Variants in LYRM4 observed in about 807,000 individuals in gnomAD.
The protein encoded by LYRM4 is LYR motif containing 4.
LYRM4 carries 9 observed loss-of-function variants against 11.7 expected under a neutral mutation model. The observed-to-expected ratio is 0.77, with a 90% CI of 0.46 to 1.34. LYRM4 has a LOEUF of 1.34. Ranked by LOEUF, LYRM4 falls within the 40% of genes most tolerant of loss-of-function variation. The pLI is 0.00. For missense variants in LYRM4, 133 were observed against 112.5 expected (o/e 1.18, Z -0.82); for synonymous variants, 42 against 40.4 (o/e 1.04, Z -0.15).
chr6:5,246,149 G>C (rs569096339), intron 1 of LYRM4, among the ~76,000 whole-genome samples: 14 of 152,332 alleles, frequency 9.2e-5, no homozygotes, highest in African/African-American at 3.1e-4. Context: ...AATAAGGAAG[G>C]AAAGTGTGTT....
At chr6:5,199,939 T>C (rs574557549) in intron 2 of LYRM4, among the ~76,000 whole-genome samples, 3 of 152,288 alleles carry the variant, frequency 2.0e-5, no homozygotes, top group African/African-American at 7.2e-5. Flanking sequence ...TGCAACACAG[T>C]TTCAAAACAG....
the LYRM4 span, among the ~76,000 whole-genome samples, chr6:5,045,330 G>T: frequency 6.6e-6 from 1 of 152,226 alleles, no homozygotes; most frequent in Non-Finnish European, 1.5e-5. Context: ...GATGGACCTT[G>T]AGGACACTAT....
downstream of LYRM4, chr6:5,103,140 G>GCCACATA (rs1181212697): frequency 6.6e-6 from 1 of 152,156 alleles, no homozygotes; most frequent in Non-Finnish European, 1.5e-5. Flanking sequence ...ATAGACTTTA[G>GCCACATA]GTAAACTCTC....
the LYRM4 span, among the ~76,000 whole-genome samples, chr6:5,081,081 T>C: frequency 2.1e-5 from 3 of 145,972 alleles, no homozygotes; most frequent in African/African-American, 7.9e-5. Context: ...CCGGAGTAAA[T>C]ATTTTAGCAG....
chr6:5,120,307 T>G (rs1294461164), intron 2 of LYRM4, among the ~76,000 whole-genome samples: 1 of 152,180 alleles, frequency 6.6e-6, no homozygotes, highest in East Asian at 1.9e-4. Context: ...CCTTTTTGAA[T>G]GGGCACACAT....
chr6:5,132,048 C>T (rs1005078307), intron 2 of LYRM4, among the ~76,000 whole-genome samples: 3 of 152,144 alleles, frequency 2.0e-5, no homozygotes, highest in Non-Finnish European at 4.4e-5. Flanking sequence ...TTTTCATGAT[C>T]GTACCCAATT....
At chr6:5,066,492 G>C in the LYRM4 span, 1 of 770,814 alleles carries the variant, frequency 1.3e-6, no homozygotes, top group African/African-American at 1.7e-5. Flanking sequence ...CATAGCGGGT[G>C]GTTTTATTAC....
chr6:5,109,539 C>A (rs764894757), intron 2 of LYRM4, 48 bp from the exon 3 acceptor site: 3 of 1,558,518 alleles, frequency 1.9e-6, no homozygotes, highest in East Asian at 2.3e-5. Flanking sequence ...CCCTCTAGCC[C>A]CTGGGAAAGG....
chr6:5,120,529 CAA>C (rs1239201763), intron 2 of LYRM4, among the ~76,000 whole-genome samples: 5 of 152,144 alleles, frequency 3.3e-5, no homozygotes, highest in South Asian at 2.1e-4. Flanking sequence ...AGCGAAGGAA[CAA>C]AGTCTCCACA....
At chr6:5,137,733 T>C (rs1757175501) in intron 2 of LYRM4, among the ~76,000 whole-genome samples, 1 of 152,204 alleles carries the variant, frequency 6.6e-6, no homozygotes, top group Admixed American at 6.5e-5. Context: ...AACCACCCAG[T>C]TGATTGTTGC....
Position 5,141,008 on chromosome 6 carries a change from A to C in LYRM4, c.208-31517T>G, listed in dbSNP as rs190987537. Among the ~76,000 whole-genome samples the C allele has an allele frequency of 1.8e-4, 28 of 152,338 alleles. No homozygotes were observed. In the East Asian group the frequency reaches 5.4e-3, roughly 29 times the overall value. ...ATCAGACCAAGAGCCTCTGTGTGTG[A>C]TCATGACTACCACTACCTTATGGTT... On this transcript the variant is annotated intron_variant, in intron 2 of 2. Coordinates refer to ENST00000330636, the MANE Select transcript of LYRM4 (RefSeq NM_020408.6).
At chr6:5,104,015 AC>A (rs1167032513), downstream of LYRM4, 2 of 151,922 alleles carry the variant, frequency 1.3e-5, no homozygotes, top group Admixed American at 6.6e-5. Flanking sequence ...CTAATTTTCT[AC>A]AAATGTATAT....
intron 1 of LYRM4, among the ~76,000 whole-genome samples, chr6:5,233,173 AC>A (rs752524183): frequency 1.5e-4 from 23 of 152,254 alleles, no homozygotes; most frequent in Non-Finnish European, 2.9e-4. Context: ...AGAGGGTCTC[AC>A]CCACATGATC....
At chr6:5,045,466 G>A in the LYRM4 span, among the ~76,000 whole-genome samples, 1 of 152,152 alleles carries the variant, frequency 6.6e-6, no homozygotes, top group South Asian at 2.1e-4. Flanking sequence ...CGGGGAGAGA[G>A]GAAAGGGCAG....
At chr6:5,260,073 C>T (rs1170316514) in intron 1 of LYRM4, among the ~76,000 whole-genome samples, 2 of 152,220 alleles carry the variant, frequency 1.3e-5, no homozygotes, top group Non-Finnish European at 2.9e-5. Context: ...CCAGGAGAAA[C>T]TGAGGTTTCA....
chr6:5,162,205 C>T (rs1312190565), intron 2 of LYRM4, among the ~76,000 whole-genome samples: 3 of 152,186 alleles, frequency 2.0e-5, no homozygotes, highest in Non-Finnish European at 2.9e-5. Context: ...GCCTCAGGCA[C>T]TGCTAGTTTC....
chr6:5,209,374 G>A (rs1054545609), intron 2 of LYRM4, among the ~76,000 whole-genome samples: 1 of 152,176 alleles, frequency 6.6e-6, no homozygotes, highest in African/African-American at 2.4e-5. Flanking sequence ...TGAGATTACA[G>A]GTGTGAATCT....
rs184506060 is a variant in LYRM4 at position 5,169,010 on chromosome 6, A to G, written c.207+47608T>C. Among the ~76,000 whole-genome samples the G allele has an allele frequency of 6.8e-4, 103 of 152,258 alleles. 1 individual carries two copies. Among genetic ancestry groups the G allele is most frequent in the African/African-American group, 2.4e-3 (100 of 41,548 alleles). On this transcript the variant is annotated intron_variant, in intron 2 of 2. Transcript: ENST00000330636. ...GGGAAGGTATATGGGTTTTCATTATATTATTATTTTTATTCTTGAAAATTT... is the reference window on the plus strand; with the variant it reads ...GGGAAGGTATATGGGTTTTCATTATGTTATTATTTTTATTCTTGAAAATTT...
chr6:5,098,983 C>T (rs1270986212), downstream of LYRM4, among the ~76,000 whole-genome samples: 4 of 152,102 alleles, frequency 2.6e-5, no homozygotes, highest in African/African-American at 7.2e-5. Context: ...CCACCAACAC[C>T]CCCAGTGCTG....
Sources: gnomAD v4.1 joint callset for allele counts (sites outside exome capture counted in the v4.1 genomes callset) on GRCh38, gnomAD v4.1.1 for gene constraint, MANE v1.5 for transcripts, NCBI Gene and HGNC (gene_info 2026-07-23, HGNC 2026-07-21) for gene names.